Variants in DYNLL1 observed in about 807,000 individuals in gnomAD.
DYNLL1 encodes the protein dynein light chain LC8-type 1.
In DYNLL1, 3 loss-of-function variants were observed where a neutral mutation model predicts 10.1. The ratio of observed to expected loss-of-function variants is 0.30; its 90% CI spans 0.14 to 0.77. The LOEUF is 0.77. Ranked by LOEUF, DYNLL1 falls within the 30% of genes least tolerant of loss-of-function variation. The probability of loss-of-function intolerance (pLI) is 0.66; values close to 1 mark genes in which losing one functional copy is unlikely to be tolerated. For missense variants in DYNLL1, 47 were observed against 111.7 expected, an observed-to-expected ratio of 0.42 and a Z score of 2.61; for synonymous variants, 46 against 41.2, an observed-to-expected ratio of 1.12 and a Z score of -0.45.
chr12:120,482,938 G>A (rs988531915), intron 1 of DYNLL1, among the ~76,000 whole-genome samples: 1 of 151,930 alleles, frequency 6.6e-6, no homozygotes, highest in African/African-American at 2.4e-5. Context: ...AATTTAGCCA[G>A]GCATCGGTGG....
At position 120,478,295 on chromosome 12, in the gene DYNLL1, C is replaced by T. The variant is rs575850887; in HGVS notation, c.-7+8191C>T. Among the ~76,000 whole-genome samples, 15 of 151,190 alleles carry T rather than the reference C, an allele frequency of 9.9e-5. No individual in the cohort carries two copies. The South Asian group carries it at 1.9e-3, about 19-fold the overall frequency. On this transcript the variant is annotated intron_variant, in intron 1 of 2. Transcript: ENST00000392509. Reference sequence around the variant, plus strand: ...GCTAATTTTGTATTTTTAGTAGAGACGAGGTTTCTCCATGTTGGTCAGGCT... The same window carrying T: ...GCTAATTTTGTATTTTTAGTAGAGATGAGGTTTCTCCATGTTGGTCAGGCT...
chr12:120,489,794 CTG>C (rs1879080265), intron 1 of DYNLL1, among the ~76,000 whole-genome samples: 1 of 152,222 alleles, frequency 6.6e-6, no homozygotes, highest in Non-Finnish European at 1.5e-5. Flanking sequence ...GTCACCCAGA[CTG>C]GAGTGCAGTG....
chr12:120,496,635 A>G (rs1449855926), intron 2 of DYNLL1, 82 bp downstream of exon 2: 2 of 1,611,516 alleles, frequency 1.2e-6, no homozygotes, highest in Non-Finnish European at 1.7e-6. Flanking sequence ...AGGGCGCCTG[A>G]CAGGTCCCGG....
In DYNLL1 at chr12:120,480,082, A is replaced by G. The variant is rs561097056; in HGVS notation, c.-7+9978A>G. Among the ~76,000 whole-genome samples the G allele has an allele frequency of 6.6e-5, 10 of 152,262 alleles. 1 individual carries two copies. The South Asian group carries it at 2.1e-3, about 32-fold the overall frequency. On this transcript the variant is annotated intron_variant, in intron 1 of 2. Coordinates refer to the DYNLL1 transcript ENST00000392509. Reference sequence around the variant, plus strand: ...AAAAGGATGCTTGTTTGGAAGACAGAAGGACAGCAGAAGGGGACAAAGCAA... The same window carrying G: ...AAAAGGATGCTTGTTTGGAAGACAGGAGGACAGCAGAAGGGGACAAAGCAA...
chr12:120,496,378 G>A (rs1868400544), intron 1 of DYNLL1, 38 bp from the exon 2 acceptor site: 1 of 1,611,520 alleles, frequency 6.2e-7, no homozygotes, highest in African/African-American at 1.3e-5. Flanking sequence ...GGGGGGCGCG[G>A]CCCAACTCAA....
intron 2 of DYNLL1, 95 bp from the exon 3 acceptor site, chr12:120,497,978 C>A: frequency 7.9e-7 from 1 of 1,260,242 alleles, no homozygotes; most frequent in Non-Finnish European, 1.1e-6. Context: ...TGCTGACGTT[C>A]CTCCTTTCTG....
At chr12:120,470,190 G>C (rs1667598823) in intron 1 of DYNLL1, 1 of 152,484 alleles carries the variant, frequency 6.6e-6, no homozygotes, top group African/African-American at 2.4e-5. Context: ...CCATAGCTTG[G>C]CCTTGAGTTT....
upstream of DYNLL1, chr12:120,496,097 T>A: frequency 2.3e-6 from 1 of 431,250 alleles, no homozygotes; most frequent in Non-Finnish European, 4.2e-6. Context: ...CGGCGGCGGC[T>A]GGCGTGGGGC....
chr12:120,496,719 G>A, intron 2 of DYNLL1, 166 bp downstream of exon 2: 1 of 1,001,212 alleles, frequency 1.0e-6, no homozygotes, highest in Non-Finnish European at 1.5e-6. Context: ...CTGTGGAGAA[G>A]ACCAGACCCC....
At position 120,490,151 on chromosome 12, in the gene DYNLL1, C is replaced by T. The variant is rs146035848; in HGVS notation, c.-6-6265C>T. Among the ~76,000 whole-genome samples, 676 of 152,256 alleles carry T rather than the reference C, an allele frequency of 4.4e-3. 4 individuals are homozygous for T. Among genetic ancestry groups the T allele is most frequent in the African/African-American group, 0.015 (637 of 41,548 alleles). The stretch of plus-strand genomic sequence containing the variant: ...AAGTTCCATAAAAAGGAAACTTTGC[C>T]TATTTTGTTCTCTTGTGCATCTCCA... On this transcript the variant is annotated intron_variant, in intron 1 of 2. Coordinates refer to the DYNLL1 transcript ENST00000392509.
chr12:120,493,170 A>G (rs1279938116), upstream of DYNLL1, among the ~76,000 whole-genome samples: 1 of 152,206 alleles, frequency 6.6e-6, no homozygotes. Flanking sequence ...TTTATATTTT[A>G]TAGTTACCTT....
intron 1 of DYNLL1, among the ~76,000 whole-genome samples, chr12:120,482,992 G>A (rs1805322869): frequency 6.6e-6 from 1 of 151,964 alleles, no homozygotes; most frequent in African/African-American, 2.4e-5. Context: ...GACGCAGGAG[G>A]ATCCCTCAAG....
chr12:120,485,251 C>CTTTTTTTTTT (rs34043402), intron 1 of DYNLL1, among the ~76,000 whole-genome samples: 1 of 76,844 alleles, frequency 1.3e-5, no homozygotes, highest in African/African-American at 5.0e-5. Context: ...TTGTAGAAGG[C>CTTTTTTTTTT]TTTTTTTTTT....
intron 1 of DYNLL1, among the ~76,000 whole-genome samples, chr12:120,470,611 G>A (rs2859292): frequency 0.023 from 3,435 of 152,208 alleles, 131 homozygotes; most frequent in African/African-American, 0.078. Flanking sequence ...TCTGCGCTGC[G>A]TCCAGCTAGT....
chr12:120,478,839 C>A (rs111260157), intron 1 of DYNLL1, among the ~76,000 whole-genome samples: 1 of 149,768 alleles, frequency 6.7e-6, no homozygotes, highest in Admixed American at 6.6e-5. Context: ...CGCCCGCCAC[C>A]ACGCCCAGCT....
intron 1 of DYNLL1, among the ~76,000 whole-genome samples, chr12:120,484,635 C>T (rs1397640805): frequency 6.6e-6 from 1 of 151,960 alleles, no homozygotes; most frequent in African/African-American, 2.4e-5. Context: ...TTATTTTTAT[C>T]TTTGAAAGAT....
intron 1 of DYNLL1, among the ~76,000 whole-genome samples, chr12:120,478,561 G>A (rs1878806486): frequency 6.6e-6 from 1 of 150,688 alleles, no homozygotes; most frequent in African/African-American, 2.4e-5. Flanking sequence ...AAATAAAAAG[G>A]CAATTACAGG....
Position 120,498,375 on chromosome 12 carries a change from G to T in DYNLL1, c.*165G>T. On this transcript the variant is annotated 3_prime_UTR_variant, in exon 3 of 3. Coordinates refer to ENST00000242577, the MANE Select transcript of DYNLL1 (RefSeq NM_003746.3). ...GGCATTCTCTGTACTAGTTTGTCGTGGTTATAAAACAATTAGCAGAATAGC... is the reference window on the plus strand; with the variant it reads ...GGCATTCTCTGTACTAGTTTGTCGTTGTTATAAAACAATTAGCAGAATAGC... 1 of 745,068 alleles carries T rather than the reference G, an allele frequency of 1.3e-6. No homozygotes were observed. Among genetic ancestry groups the T allele is most frequent in the Non-Finnish European group, 2.0e-6 (1 of 505,538 alleles). The allele number at this position is 745,068 out of a possible 1,614,324, so 46.2% of individuals were successfully genotyped here. A position where few individuals can be genotyped will look rare whatever the true frequency, so the allele number is the denominator to read the frequency against.
At chr12:120,488,596 G>C (rs1483369089) in intron 1 of DYNLL1, 1 of 152,244 alleles carries the variant, frequency 6.6e-6, no homozygotes, top group East Asian at 1.9e-4. Flanking sequence ...CTTGTATCAA[G>C]CAGGTGCTCA....
Sources: gnomAD v4.1 joint callset for allele counts (sites outside exome capture counted in the v4.1 genomes callset) on GRCh38, gnomAD v4.1.1 for gene constraint, MANE v1.5 for transcripts, NCBI Gene and HGNC (gene_info 2026-07-23, HGNC 2026-07-21) for gene names.